Variants in CIB4 observed in about 807,000 individuals in gnomAD.
CIB4 encodes calcium and integrin-binding family member 4.
A neutral mutation model predicts 25.8 loss-of-function variants in CIB4; 25 were observed. The observed-to-expected ratio is 0.97, with a 90% confidence interval of 0.71 to 1.35. The LOEUF is 1.35. Ranked by LOEUF, CIB4 falls within the 40% of genes most tolerant of loss-of-function variation. CIB4 has a pLI of 0.00. For missense variants in CIB4, 235 were observed against 228.2 expected, an observed-to-expected ratio of 1.03 and a Z score of -0.19; for synonymous variants, 75 against 81.4, an observed-to-expected ratio of 0.92 and a Z score of 0.42.
At chr2:26,620,540 C>T (rs899834043) in intron 3 of CIB4, among the ~76,000 whole-genome samples, 3 of 152,190 alleles carry the variant, frequency 2.0e-5, no homozygotes, top group Non-Finnish European at 4.4e-5. Context: ...AGGTGCTGAA[C>T]TCTGAGACCT....
At position 26,629,453 on chromosome 2, in the gene CIB4, G is replaced by A. The variant is rs1669373800; in HGVS notation, c.143C>T (p.Ala48Val). 3 of 1,582,982 alleles carry A rather than the reference G, an allele frequency of 1.9e-6. No homozygotes were observed. The highest frequency in any genetic ancestry group is 2.6e-6 in the Non-Finnish European group (3 of 1,164,296). Reference protein sequence around the residue: ...LCPPGKYYKEATLTMDQVSSL... With the variant: ...LCPPGKYYKEVTLTMDQVSSL... The stretch of plus-strand genomic sequence containing the variant: ...GCTGACCTGGTCCATGGTGAGCGTT[G>A]CCTCCTTGTAGTACTTCCCAGGAGG... Residue 48 changes from alanine (A) to valine (V), a missense_variant, in exon 3 of 7, where the codon GCA becomes GTA. Transcript: ENST00000288861.
chr2:26,627,867 A>T lies in CIB4; in HGVS notation c.186+1543T>A, dbSNP rs1444136351. ...CTCTGTCTCTGTCTGCCCTACAGAT[A>T]GGCCTGTCACTTAGGAGGGGCCGTG... On this transcript the variant is annotated intron_variant, in intron 3 of 6. Transcript: ENST00000288861. The surrounding 1 kb of genome is among the most constrained non-coding windows in gnomAD (Gnocchi z 4.0). 2.0e-5 allele frequency among the ~76,000 whole-genome samples: 3 copies of T among 151,826 alleles called. No individual in the cohort carries two copies. Among genetic ancestry groups the T allele is most frequent in the Non-Finnish European group, 4.4e-5 (3 of 67,996 alleles).
intron 3 of CIB4, among the ~76,000 whole-genome samples, chr2:26,628,121 T>C (rs979591210): frequency 6.6e-6 from 1 of 152,218 alleles, no homozygotes; most frequent in African/African-American, 2.4e-5. Context: ...GTAGCCATGA[T>C]TTGTTAACGT....
intron 3 of CIB4, 78 bp downstream of exon 3, chr2:26,629,332 C>A: frequency 1.1e-6 from 1 of 922,992 alleles, no homozygotes; most frequent in South Asian, 1.4e-5. Flanking sequence ...CACCTCACCC[C>A]ACCCCTCCCA....
intron 3 of CIB4, among the ~76,000 whole-genome samples, chr2:26,607,926 T>A (rs1668922572): frequency 6.6e-6 from 1 of 152,188 alleles, no homozygotes; most frequent in African/African-American, 2.4e-5. Context: ...CCACGTGAAA[T>A]CTCCAGGGGA....
At chr2:26,601,396 G>A (rs904627717) in intron 3 of CIB4, among the ~76,000 whole-genome samples, 8 of 151,890 alleles carry the variant, frequency 5.3e-5, no homozygotes, top group African/African-American at 1.4e-4. Flanking sequence ...TTATGACAAA[G>A]ATAACATGGC....
In CIB4 at chr2:26,584,799, C is replaced by A. The variant is rs367787031; in HGVS notation, c.329-901G>T. 1.2e-4 allele frequency among the ~76,000 whole-genome samples: 19 copies of A among 152,256 alleles called. No homozygotes were observed. In the East Asian group the frequency reaches 3.3e-3, roughly 26 times the overall value. On this transcript the variant is annotated intron_variant, in intron 4 of 6. Transcript: ENST00000288861. Reference sequence around the variant, plus strand: ...CACAGAGGGTTCCGGCCGTGGGGAGCCCTGGGGACTCTGGGGTGGGTGGCA... The same window carrying A: ...CACAGAGGGTTCCGGCCGTGGGGAGACCTGGGGACTCTGGGGTGGGTGGCA...
intron 3 of CIB4, among the ~76,000 whole-genome samples, chr2:26,613,208 C>G (rs1669029910): frequency 6.6e-6 from 1 of 152,148 alleles, no homozygotes; most frequent in African/African-American, 2.4e-5. Context: ...CTCGACTGAG[C>G]CTCCTCTCTC....
chr2:26,599,565 C>T (rs1178558500), intron 3 of CIB4, among the ~76,000 whole-genome samples: 1 of 152,026 alleles, frequency 6.6e-6, no homozygotes, highest in African/African-American at 2.4e-5. Context: ...CACAAAAATA[C>T]GCTAGTGACT....
chr2:26,595,220 T>G lies in CIB4; in HGVS notation c.284A>C (p.Gln95Pro). ...CTCAATCTTCAGGCTTGGGCAGGCC[T>G]GCTCGCTGAACACAGATGCCATGCC... is the stretch of plus-strand genomic sequence containing the variant. ...VLGMASVFSE[Q>P]ACPSLKIEYA... Residue 95 changes from glutamine (Q) to proline (P), a missense_variant, in exon 4 of 7, where the codon CAG (glutamine) becomes CCG (proline). Physicochemically the swap from Gln to Pro is moderately conservative, Grantham distance 76. Coordinates refer to ENST00000288861, the MANE Select transcript of CIB4 (RefSeq NM_001029881.3). 4 of 1,614,052 alleles carry G rather than the reference T, an allele frequency of 2.5e-6. No homozygotes were observed. Among genetic ancestry groups the G allele is most frequent in the Non-Finnish European group, 3.4e-6 (4 of 1,179,926 alleles).
intron 3 of CIB4, among the ~76,000 whole-genome samples, chr2:26,620,079 A>T (rs767770434): frequency 2.7e-5 from 4 of 149,786 alleles, no homozygotes; most frequent in Non-Finnish European, 5.9e-5. Context: ...CACCATCCTG[A>T]TCTACATCCC....
chr2:26,600,333 G>A (rs1309408878), intron 3 of CIB4, among the ~76,000 whole-genome samples: 1 of 152,104 alleles, frequency 6.6e-6, no homozygotes. Context: ...GAACTCGGGA[G>A]GCAGAGGTTG....
At chr2:26,583,712 G>T in intron 5 of CIB4, 77 bp downstream of exon 5, 1 of 953,118 alleles carries the variant, frequency 1.0e-6, no homozygotes, top group Non-Finnish European at 1.7e-6. Context: ...AGGGTGGCCT[G>T]ACATCCGGGG....
intron 4 of CIB4, among the ~76,000 whole-genome samples, chr2:26,590,269 A>AAAAG (rs1299384220): frequency 6.6e-6 from 1 of 150,936 alleles, no homozygotes; most frequent in Non-Finnish European, 1.5e-5. Flanking sequence ...AAAAAAAAAA[A>AAAAG]AAAAAAAAAA....
At chr2:26,605,746 T>G (rs1668876430) in intron 3 of CIB4, among the ~76,000 whole-genome samples, 2 of 152,124 alleles carry the variant, frequency 1.3e-5, no homozygotes, top group African/African-American at 2.4e-5. Flanking sequence ...TATTATCACT[T>G]CATTTTGCAA....
intron 3 of CIB4, among the ~76,000 whole-genome samples, chr2:26,612,289 C>T (rs912823969): frequency 2.6e-5 from 4 of 152,194 alleles, no homozygotes; most frequent in African/African-American, 9.7e-5. Flanking sequence ...TCAATAAGAA[C>T]GGAAGTTCAG....
At chr2:26,635,628 G>C (rs554812649) in intron 2 of CIB4, among the ~76,000 whole-genome samples, 1 of 152,126 alleles carries the variant, frequency 6.6e-6, no homozygotes, top group Non-Finnish European at 1.5e-5. Context: ...CACTTTCTCC[G>C]TGAGTATCAC....
chr2:26,631,255 G>A (rs1223448804), intron 2 of CIB4, among the ~76,000 whole-genome samples: 2 of 152,076 alleles, frequency 1.3e-5, no homozygotes, highest in African/African-American at 2.4e-5. Context: ...CGGGAGAATC[G>A]CTTGAGCCCA....
intron 5 of CIB4, 127 bp from the exon 6 acceptor site, chr2:26,583,040 C>A: frequency 1.6e-6 from 1 of 622,956 alleles, no homozygotes; most frequent in Non-Finnish European, 2.9e-6. Flanking sequence ...TCTCCTGGGT[C>A]CCCTGACCCC....
Sources: allele counts gnomAD v4.1 joint callset (sites outside exome capture counted in the v4.1 genomes callset), GRCh38; gene constraint gnomAD v4.1.1; non-coding constraint Gnocchi (gnomAD v3.1); transcripts MANE v1.5; gene names NCBI Gene and HGNC (gene_info 2026-07-23, HGNC 2026-07-21).